The following SOHLH2 variants were observed in gnomAD, a reference collection of about 807,000 sequenced individuals.
SOHLH2 encodes the protein spermatogenesis- and oogenesis-specific basic helix-loop-helix-containing protein 2.
SOHLH2 carries 22 observed loss-of-function variants against 50.4 expected under a neutral mutation model. That is an observed-to-expected ratio of 0.44 (90% CI 0.31 to 0.62). The LOEUF is 0.62. SOHLH2 is among the 20% of genes least tolerant of loss of function. The pLI is 0.08. For missense variants in SOHLH2, 412 were observed against 504.4 expected, an observed-to-expected ratio of 0.82 and a Z score of 1.76; for synonymous variants, 185 against 187.3, an observed-to-expected ratio of 0.99 and a Z score of 0.10.
At position 36,170,621 on chromosome 13, in the gene SOHLH2, T is replaced by C; in HGVS notation, c.1167A>G (p.Leu389=). 1 of 1,614,160 alleles carries C rather than the reference T, an allele frequency of 6.2e-7. No individual in the cohort carries two copies. The highest frequency in any genetic ancestry group is 8.5e-7 in the Non-Finnish European group (1 of 1,180,028). The change falls in exon 10 of 11, where the codon TTA becomes TTG. Residue 389 remains leucine, a synonymous_variant. Coordinates refer to ENST00000379881, the MANE Select transcript of SOHLH2 (RefSeq NM_017826.3). ...TTGAGACCGGGGGCATGGCTGAAGG[T>C]AAATGAATTGAAATGTTCTGATTTG... ...AVTNQNISIH[L]PSAMPPVSKL... is the part of the protein sequence containing the mutation.
intron 1 of SOHLH2, among the ~76,000 whole-genome samples, chr13:36,209,223 T>C (rs548268098): frequency 5.3e-5 from 8 of 152,292 alleles, no homozygotes; most frequent in African/African-American, 1.9e-4. Context: ...TTCAATCCAT[T>C]TAATGTGAAT....
intron 10 of SOHLH2, 106 bp from the exon 11 acceptor site, chr13:36,169,160 C>T (rs77756593): frequency 0.029 from 41,429 of 1,419,836 alleles, 734 homozygotes; most frequent in Admixed American, 0.061. Context: ...AAATGATTTG[C>T]AAAACTATGT....
chr13:36,196,895 A>C (rs1055627119), intron 2 of SOHLH2, among the ~76,000 whole-genome samples: 11 of 152,188 alleles, frequency 7.2e-5, no homozygotes, highest in Non-Finnish European at 1.6e-4. Flanking sequence ...AATCGATAAG[A>C]GTTCCCAGAA....
chr13:36,173,551 G>A (rs1237107963), intron 9 of SOHLH2, 141 bp downstream of exon 9: 8 of 957,118 alleles, frequency 8.4e-6, no homozygotes, highest in Non-Finnish European at 1.3e-5. Context: ...GCCACCTTGT[G>A]TACCTGAGGC....
intron 1 of SOHLH2, among the ~76,000 whole-genome samples, chr13:36,209,209 T>C (rs1239966532): frequency 1.3e-5 from 2 of 152,180 alleles, no homozygotes; most frequent in Non-Finnish European, 2.9e-5. Flanking sequence ...TTTTTTTATA[T>C]AATTTCAATC....
chr13:36,190,130 T>TA, intron 5 of SOHLH2, 74 bp from the exon 6 acceptor site: 1 of 1,352,302 alleles, frequency 7.4e-7, no homozygotes, highest in Admixed American at 2.3e-5. Context: ...TACGCACCAA[T>TA]ACACTAAACA....
intron 2 of SOHLH2, among the ~76,000 whole-genome samples, chr13:36,197,707 GTTCT>G (rs1887776557): frequency 6.6e-6 from 1 of 152,144 alleles, no homozygotes; most frequent in South Asian, 2.1e-4. Flanking sequence ...AACAAATAAT[GTTCT>G]TTGTTAATTA....
In SOHLH2 at chr13:36,174,857, T is replaced by C; in HGVS notation, c.654A>G (p.Lys218=). 1.3e-6 allele frequency: 2 copies of C among 1,576,142 alleles called. No individual in the cohort carries two copies. The highest frequency in any genetic ancestry group is 1.7e-6 in the Non-Finnish European group (2 of 1,168,056). Residue 218 remains lysine (K), a synonymous_variant, in exon 7 of 11, where the codon AAA becomes AAG. Coordinates refer to ENST00000379881, the MANE Select transcript of SOHLH2 (RefSeq NM_017826.3). The stretch of plus-strand genomic sequence containing the variant: ...GAGTACGCAGCTGCTCACAGCAATA[T>C]TTGATTCTTTCCCTGGACACAGAAT... ...SKEKLRRERI[K]YCCEQLRTLL...
intron 10 of SOHLH2, 89 bp from the exon 11 acceptor site, chr13:36,169,143 C>T: frequency 6.8e-7 from 1 of 1,471,096 alleles, no homozygotes; most frequent in Non-Finnish European, 9.0e-7. Context: ...TATCCTAAAA[C>T]AATCTGAAAT....
At chr13:36,185,539 T>TA (rs757403248) in intron 6 of SOHLH2, among the ~76,000 whole-genome samples, 1 of 151,216 alleles carries the variant, frequency 6.6e-6, no homozygotes, top group Non-Finnish European at 1.5e-5. Flanking sequence ...ATCAATGAAA[T>TA]AAAAAAATGA....
intron 1 of SOHLH2, among the ~76,000 whole-genome samples, chr13:36,209,342 A>C (rs1341160071): frequency 2.1e-5 from 3 of 145,536 alleles, no homozygotes; most frequent in South Asian, 4.3e-4. Flanking sequence ...TTTTTTTTCT[A>C]TTCCCTTATG....
At chr13:36,174,347 A>G in intron 8 of SOHLH2, 129 bp downstream of exon 8, 1 of 1,188,070 alleles carries the variant, frequency 8.4e-7, no homozygotes, top group African/African-American at 1.5e-5. Context: ...CGGCAATTAG[A>G]AAAGTTCGCT....
At chr13:36,169,611 GC>G (rs1249951206) in intron 10 of SOHLH2, among the ~76,000 whole-genome samples, 1 of 152,174 alleles carries the variant, frequency 6.6e-6, no homozygotes, top group African/African-American at 2.4e-5. Context: ...TTGTTAATAT[GC>G]AAAAGTATTA....
At chr13:36,198,526 A>T (rs894250259) in intron 2 of SOHLH2, among the ~76,000 whole-genome samples, 2 of 152,302 alleles carry the variant, frequency 1.3e-5, no homozygotes, top group African/African-American at 4.8e-5. Flanking sequence ...ATACTCTTTC[A>T]ATACATTCTT....
At chr13:36,169,118 T>A in intron 10 of SOHLH2, 64 bp from the exon 11 acceptor site, 1 of 1,557,202 alleles carries the variant, frequency 6.4e-7, no homozygotes, top group Non-Finnish European at 8.6e-7. Flanking sequence ...CATAATGTCA[T>A]GATTGTATTT....
chr13:36,171,482 G>T (rs1012539540), intron 9 of SOHLH2, among the ~76,000 whole-genome samples: 1 of 152,118 alleles, frequency 6.6e-6, no homozygotes, highest in African/African-American at 2.4e-5. Context: ...TTCCTGATGC[G>T]GGTAGTGAAA....
intron 6 of SOHLH2, among the ~76,000 whole-genome samples, chr13:36,179,653 T>C (rs1238986146): frequency 2.6e-5 from 4 of 152,058 alleles, no homozygotes; most frequent in Non-Finnish European, 5.9e-5. Context: ...CCTCAAGTGA[T>C]CCACCTGCCT....
intron 6 of SOHLH2, among the ~76,000 whole-genome samples, chr13:36,187,120 G>A (rs911327126): frequency 6.6e-6 from 1 of 152,074 alleles, no homozygotes; most frequent in Admixed American, 6.6e-5. Context: ...AAGATTTCTA[G>A]TCCTTCAAAT....
At chr13:36,190,143 G>C (rs898889300) in intron 5 of SOHLH2, 87 bp from the exon 6 acceptor site, 44 of 1,207,516 alleles carry the variant, frequency 3.6e-5, no homozygotes, top group Non-Finnish European at 4.4e-5. Context: ...ACTAAACAAA[G>C]GATGCTTCTC....
Sources: gnomAD v4.1 joint callset for allele counts (sites outside exome capture counted in the v4.1 genomes callset) on GRCh38, gnomAD v4.1.1 for gene constraint, MANE v1.5 for transcripts, NCBI Gene and HGNC (gene_info 2026-07-23, HGNC 2026-07-21) for gene names.